PARD3: variants seen among roughly 807,000 people sequenced by gnomAD.
PARD3 encodes the protein partitioning defective 3 homolog.
In PARD3, 75 loss-of-function variants were observed where a neutral mutation model predicts 155.4. The observed-to-expected ratio is 0.48, with a 90% CI of 0.40 to 0.58. PARD3 has a LOEUF of 0.58. Ranked by LOEUF, PARD3 falls within the 20% of genes least tolerant of loss-of-function variation. PARD3 has a pLI of 0.00. For missense variants in PARD3, 1,642 were observed against 1,721.7 expected, an observed-to-expected ratio of 0.95 and a Z score of 0.82; for synonymous variants, 576 against 610.5, an observed-to-expected ratio of 0.94 and a Z score of 0.83.
chr10:34,712,479 C>A (rs1479302202), intron 1 of PARD3, among the ~76,000 whole-genome samples: 1 of 152,176 alleles, frequency 6.6e-6, no homozygotes, highest in Non-Finnish European at 1.5e-5. Flanking sequence ...ATGTGACAAT[C>A]CTGCAAGATC....
At position 34,359,188 on chromosome 10, in the gene PARD3, T is replaced by C. The variant is rs775782836; in HGVS notation, c.2026A>G (p.Ile676Val). Residue 676 changes from isoleucine to valine, a missense_variant, in exon 14 of 25, where the codon ATC (isoleucine) becomes GTC (valine). Ile to Val is a conservative substitution (Grantham distance 29, BLOSUM62 3). Around this residue, in one of 3 missense-constraint regions of PARD3, gnomAD observed 1,529 missense variants for 1,587.3 expected, o/e 0.96. Coordinates refer to ENST00000374788, the MANE Select transcript of PARD3 (RefSeq NM_001184785.2). ...MSTEGNKRGM[I>V]QLIVARRISK... is the part of the protein sequence containing the mutation. ...ATTCTCCTTGCAACAATAAGCTGGA[T>C]CATTCCTCGTTTATTGCCTTCAGTA... is the stretch of plus-strand genomic sequence containing the variant. 1 of 1,614,038 alleles carries C rather than the reference T, an allele frequency of 6.2e-7. No homozygotes were observed. The highest frequency in any genetic ancestry group is 2.2e-5 in the East Asian group (1 of 44,864).
At chr10:34,406,550 T>G (rs1478593545) in intron 5 of PARD3, among the ~76,000 whole-genome samples, 1 of 152,178 alleles carries the variant, frequency 6.6e-6, no homozygotes, top group Non-Finnish European at 1.5e-5. Flanking sequence ...AGTTCTTTCA[T>G]TCCCCTTTAG....
intron 2 of PARD3, among the ~76,000 whole-genome samples, chr10:34,636,189 C>T (rs1033070280): frequency 1.3e-5 from 2 of 152,136 alleles, no homozygotes; most frequent in Non-Finnish European, 2.9e-5. Context: ...TTTGCATGTG[C>T]CCAGGGCCCT....
chr10:34,205,820 C>T (rs772459303), intron 22 of PARD3, among the ~76,000 whole-genome samples: 4 of 152,142 alleles, frequency 2.6e-5, no homozygotes, highest in Non-Finnish European at 5.9e-5. Flanking sequence ...CCTGCTGTGG[C>T]CATTGTAGTT....
At chr10:34,241,835 G>A (rs537973382) in intron 22 of PARD3, among the ~76,000 whole-genome samples, 6 of 152,218 alleles carry the variant, frequency 3.9e-5, no homozygotes, top group African/African-American at 1.2e-4. Context: ...CTAAATAGGC[G>A]TCATCAGTAC....
intron 1 of PARD3, among the ~76,000 whole-genome samples, chr10:34,788,348 T>A (rs1277872658): frequency 6.6e-6 from 1 of 152,162 alleles, no homozygotes; most frequent in African/African-American, 2.4e-5. Flanking sequence ...CTCTGCTCCA[T>A]TAACATGGAC....
In PARD3 at chr10:34,687,846, C is replaced by CTCTT. The variant is rs2093976875; in HGVS notation, c.222+8471_222+8472insAAGA. ...ATGCCCGGTCAGTTACACCTGAAAT[C>CTCTT]TTTTTTTTTTTTTTTTTTTTTTTTT... On this transcript the variant is annotated intron_variant, in intron 2 of 24. Transcript: ENST00000374788. Among the ~76,000 whole-genome samples, 2 of 63,722 alleles carry CTCTT rather than the reference C, an allele frequency of 3.1e-5. 1 individual carries two copies. Among genetic ancestry groups the CTCTT allele is most frequent in the Non-Finnish European group, 5.2e-5 (2 of 38,458 alleles). 41.8% of individuals were successfully genotyped at this position (63,722 alleles called of 152,430 possible).
chr10:34,698,207 C>A (rs2094209354), intron 1 of PARD3, among the ~76,000 whole-genome samples: 1 of 152,188 alleles, frequency 6.6e-6, no homozygotes, highest in African/African-American at 2.4e-5. Context: ...ATCCTGTTCA[C>A]TCCCTCCAGA....
intron 2 of PARD3, among the ~76,000 whole-genome samples, chr10:34,559,291 G>T (rs1291980038): frequency 6.6e-6 from 1 of 152,078 alleles, no homozygotes; most frequent in African/African-American, 2.4e-5. Context: ...ATACAAAACT[G>T]TTGTGATTTT....
chr10:34,134,562 C>T (rs1947792328), intron 22 of PARD3, among the ~76,000 whole-genome samples: 1 of 152,190 alleles, frequency 6.6e-6, no homozygotes, highest in African/African-American at 2.4e-5. Context: ...TTTTTCACAG[C>T]AAAAGATAAG....
chr10:34,353,529 AAAGTCAT>A (rs1487934730), intron 14 of PARD3, among the ~76,000 whole-genome samples: 1 of 152,142 alleles, frequency 6.6e-6, no homozygotes, highest in East Asian at 1.9e-4. Context: ...AAGCTCTTTA[AAAGTCAT>A]CACCACTCCC....
At chr10:34,129,082 C>T (rs1564415640) in intron 23 of PARD3, among the ~76,000 whole-genome samples, 1 of 152,196 alleles carries the variant, frequency 6.6e-6, no homozygotes, top group East Asian at 1.9e-4. Flanking sequence ...CTTGCATCTG[C>T]TTTACATTTA....
At chr10:34,124,795 C>T (rs1947188056) in intron 23 of PARD3, among the ~76,000 whole-genome samples, 2 of 152,152 alleles carry the variant, frequency 1.3e-5, no homozygotes, top group South Asian at 4.1e-4. Flanking sequence ...TTATCCCCGC[C>T]CCCATCTTAA....
chr10:34,746,930 A>C (rs1835402906), intron 1 of PARD3, among the ~76,000 whole-genome samples: 1 of 152,180 alleles, frequency 6.6e-6, no homozygotes, highest in Admixed American at 6.5e-5. Flanking sequence ...GTGGACACCC[A>C]GGCTGCCGGG....
chr10:34,250,367 C>A (rs1390538739), intron 22 of PARD3, among the ~76,000 whole-genome samples: 1 of 152,120 alleles, frequency 6.6e-6, no homozygotes, highest in Non-Finnish European at 1.5e-5. Flanking sequence ...AAGGAGTCTG[C>A]AAATCAGCAG....
intron 22 of PARD3, among the ~76,000 whole-genome samples, chr10:34,217,521 C>T (rs376715136): frequency 4.5e-4 from 69 of 152,224 alleles, no homozygotes; most frequent in Admixed American, 2.0e-3. Context: ...GATCCCACTT[C>T]ATGGATAAGG....
intron 22 of PARD3, among the ~76,000 whole-genome samples, chr10:34,150,159 T>C (rs1460412530): frequency 6.6e-6 from 1 of 152,194 alleles, no homozygotes; most frequent in African/African-American, 2.4e-5. Context: ...TATATGTGAA[T>C]AATATGAGAT....
intron 4 of PARD3, among the ~76,000 whole-genome samples, chr10:34,460,631 A>G (rs1589657122): frequency 6.6e-6 from 1 of 152,202 alleles, no homozygotes; most frequent in East Asian, 1.9e-4. Flanking sequence ...CAGGAGATCG[A>G]GACCATCCTG....
chr10:34,195,371 A>G (rs1179291435), intron 22 of PARD3, among the ~76,000 whole-genome samples: 1 of 152,214 alleles, frequency 6.6e-6, no homozygotes, highest in African/African-American at 2.4e-5. Context: ...TAGAACTGGC[A>G]TTCTGTGCAT....
Sources: allele counts gnomAD v4.1 joint callset (sites outside exome capture counted in the v4.1 genomes callset), GRCh38; gene constraint gnomAD v4.1.1; regional missense constraint gnomAD v4.1.1; transcripts MANE v1.5; gene names NCBI Gene and HGNC (gene_info 2026-07-23, HGNC 2026-07-21).